The following PIBF1 variants were observed in gnomAD, a reference collection of about 807,000 sequenced individuals.
PIBF1 encodes progesterone immunomodulatory binding factor 1, also known as progesterone-induced-blocking factor 1.
A neutral mutation model predicts 112.5 loss-of-function variants in PIBF1; 90 were observed. The ratio of observed to expected loss-of-function variants is 0.80; its 90% CI spans 0.67 to 0.95. The LOEUF (loss-of-function observed/expected upper bound fraction) is 0.95. PIBF1 is among the 40% of genes least tolerant of loss of function. PIBF1 has a pLI of 0.00. For missense variants in PIBF1, 915 were observed against 852.3 expected, an observed-to-expected ratio of 1.07 and a Z score of -0.92; for synonymous variants, 301 against 288.6, an observed-to-expected ratio of 1.04 and a Z score of -0.44.
At chr13:72,797,506 C>CTA (rs2137977632) in intron 4 of PIBF1, among the ~76,000 whole-genome samples, 1 of 152,186 alleles carries the variant, frequency 6.6e-6, no homozygotes, top group East Asian at 1.9e-4. Context: ...GGTCAGAGAC[C>CTA]TATAGGGAGA....
At chr13:72,871,225 A>G (rs2039149998) in intron 10 of PIBF1, among the ~76,000 whole-genome samples, 1 of 152,136 alleles carries the variant, frequency 6.6e-6, no homozygotes. Context: ...AAAATTTTTA[A>G]TGCATTTAGA....
At chr13:72,923,908 C>T (rs915377548) in intron 13 of PIBF1, among the ~76,000 whole-genome samples, 2 of 152,134 alleles carry the variant, frequency 1.3e-5, no homozygotes, top group African/African-American at 4.8e-5. Context: ...AGGTTGCAGT[C>T]AGCCCAGGTC....
intron 16 of PIBF1, among the ~76,000 whole-genome samples, chr13:72,993,745 CAAA>C (rs34464067): frequency 4.0e-5 from 4 of 98,854 alleles, no homozygotes; most frequent in Non-Finnish European, 6.0e-5. Flanking sequence ...GACTCCATTT[CAAA>C]AAAAAAAAAA....
chr13:72,957,061 T>C (rs1338655105), intron 14 of PIBF1, among the ~76,000 whole-genome samples: 1 of 152,236 alleles, frequency 6.6e-6, no homozygotes, highest in African/African-American at 2.4e-5. Flanking sequence ...TTTTCACTGC[T>C]GGTGAGAATG....
chr13:72,833,993 T>G (rs982716190), intron 8 of PIBF1, among the ~76,000 whole-genome samples: 4 of 152,184 alleles, frequency 2.6e-5, no homozygotes, highest in Non-Finnish European at 4.4e-5. Context: ...CTATTTCTTT[T>G]AGATAGATAG....
At chr13:72,826,197 C>G (rs552320184) in intron 6 of PIBF1, among the ~76,000 whole-genome samples, 2 of 152,022 alleles carry the variant, frequency 1.3e-5, no homozygotes, top group African/African-American at 4.8e-5. Flanking sequence ...AATAGTAATA[C>G]TGATAGTCAT....
intron 6 of PIBF1, among the ~76,000 whole-genome samples, chr13:72,824,466 G>A (rs1338422319): frequency 3.9e-5 from 6 of 152,048 alleles, no homozygotes; most frequent in Admixed American, 2.0e-4. Flanking sequence ...TATAAGTGCA[G>A]GCTAATAATA....
At chr13:72,831,658 A>G (rs1327158668) in intron 8 of PIBF1, among the ~76,000 whole-genome samples, 1 of 152,016 alleles carries the variant, frequency 6.6e-6, no homozygotes, top group Non-Finnish European at 1.5e-5. Context: ...GTTCTTTTGC[A>G]TTTGCTGAGG....
rs558252496 is a variant in PIBF1 at position 72,874,516 on chromosome 13, A to G, written c.1323-19268A>G. Among the ~76,000 whole-genome samples, 30 of 152,330 alleles carry G rather than the reference A, an allele frequency of 2.0e-4. 1 individual carries two copies. The highest frequency in any genetic ancestry group is 3.4e-3 in the Middle Eastern group (1 of 294). On this transcript the variant is annotated intron_variant, in intron 10 of 17. Transcript: ENST00000326291. ...TGTTTGATTCCATTTATGTGACATA[A>G]TAGAAAAGGCAAAACTAATGACACA...
intron 5 of PIBF1, among the ~76,000 whole-genome samples, chr13:72,817,313 G>T (rs1404801302): frequency 6.6e-6 from 1 of 152,120 alleles, no homozygotes; most frequent in East Asian, 1.9e-4. Context: ...CATAGTAATT[G>T]CCTTTTATTG....
chr13:73,003,041 G>A lies in PIBF1; in HGVS notation c.2223+4046G>A, dbSNP rs553106726. On this transcript the variant is annotated intron_variant, in intron 17 of 17. Transcript: ENST00000326291. ...CTCTAAGTATGGTAGCAAACAATAC[G>A]ATTGTGCACCTCCAGTGTATAGTGT... Among the ~76,000 whole-genome samples the A allele has an allele frequency of 1.4e-4, 19 of 133,270 alleles. No homozygotes were observed. The South Asian group carries it at 4.6e-3, about 32-fold the overall frequency. 87.4% of individuals were successfully genotyped at this position (133,270 alleles called of 152,430 possible). A position where few individuals can be genotyped will look rare whatever the true frequency, so the allele number is the denominator to read the frequency against.
At chr13:72,907,039 A>G (rs996558152) in intron 11 of PIBF1, among the ~76,000 whole-genome samples, 1 of 152,136 alleles carries the variant, frequency 6.6e-6, no homozygotes, top group Non-Finnish European at 1.5e-5. Flanking sequence ...CACATTCCCA[A>G]CAAGCAAGAA....
intron 3 of PIBF1, among the ~76,000 whole-genome samples, chr13:72,792,770 G>A (rs1420252122): frequency 6.6e-6 from 1 of 152,166 alleles, no homozygotes; most frequent in Admixed American, 6.5e-5. Context: ...ATTGGTCAGT[G>A]TAAACCATAT....
intron 5 of PIBF1, among the ~76,000 whole-genome samples, chr13:72,809,196 T>G (rs1027312820): frequency 2.0e-5 from 3 of 150,842 alleles, no homozygotes; most frequent in Admixed American, 6.6e-5. Context: ...TGTGATTATT[T>G]TTGAGCTAGA....
chr13:72,891,091 T>A (rs1239339888), intron 10 of PIBF1, among the ~76,000 whole-genome samples: 4 of 152,152 alleles, frequency 2.6e-5, no homozygotes, highest in African/African-American at 9.7e-5. Flanking sequence ...TCTACATGTC[T>A]AAATATTGTT....
rs543895348 is a variant in PIBF1 at position 72,978,080 on chromosome 13, T to G, written c.2049+4405T>G. Among the ~76,000 whole-genome samples, 4 of 152,310 alleles carry G rather than the reference T, an allele frequency of 2.6e-5. No individual in the cohort carries two copies. In the East Asian group the frequency reaches 7.7e-4, roughly 29 times the overall value. On this transcript the variant is annotated intron_variant, in intron 16 of 17. Coordinates refer to ENST00000326291, the MANE Select transcript of PIBF1 (RefSeq NM_006346.4). Reference sequence around the variant, plus strand: ...TATACCTGCCCACACTTCTCCATTCTAAATTCTCCAGGTTTTGTCCCTATA... The same window carrying G: ...TATACCTGCCCACACTTCTCCATTCGAAATTCTCCAGGTTTTGTCCCTATA...
intron 5 of PIBF1, among the ~76,000 whole-genome samples, chr13:72,803,260 TG>T (rs893004780): frequency 1.5e-5 from 2 of 131,822 alleles, no homozygotes; most frequent in Non-Finnish European, 3.1e-5. Context: ...TTTTGTTTTT[TG>T]TTTTTTGTTT....
chr13:72,891,048 T>C (rs533535851), intron 10 of PIBF1, among the ~76,000 whole-genome samples: 65 of 152,276 alleles, frequency 4.3e-4, no homozygotes, highest in African/African-American at 1.5e-3. Flanking sequence ...ACCTAGATGG[T>C]TTATTGTTTA....
chr13:72,950,482 A>G (rs2042267105), intron 14 of PIBF1, among the ~76,000 whole-genome samples: 1 of 152,092 alleles, frequency 6.6e-6, no homozygotes, highest in Admixed American at 6.6e-5. Flanking sequence ...CACTGCAGAA[A>G]CCGTGTTACT....
Sources: gnomAD v4.1 joint callset for allele counts (sites outside exome capture counted in the v4.1 genomes callset) on GRCh38, gnomAD v4.1.1 for gene constraint, MANE v1.5 for transcripts, NCBI Gene and HGNC (gene_info 2026-07-23, HGNC 2026-07-21) for gene names.